EXOC6B: variants seen among roughly 807,000 people sequenced by gnomAD.
EXOC6B encodes the protein SEC15 homolog B.
In EXOC6B, 54 loss-of-function variants were observed where a neutral mutation model predicts 113.5. The ratio of observed to expected loss-of-function variants is 0.48; its 90% CI spans 0.38 to 0.60. The LOEUF (loss-of-function observed/expected upper bound fraction) is 0.60. Among genes scored for constraint, EXOC6B ranks in the 20% least tolerant of loss-of-function variants. The probability of loss-of-function intolerance (pLI) is 0.00; values close to 1 mark genes in which losing one functional copy is unlikely to be tolerated. For missense variants in EXOC6B, 797 were observed against 977.5 expected (o/e 0.82, Z 2.46); for synonymous variants, 357 against 339.0 (o/e 1.05, Z -0.58).
In EXOC6B at chr2:72,262,352, G is replaced by T. The variant is rs566760406; in HGVS notation, c.2196+72595C>A. ...GTGGCTTCTGGTCTTTGTTTAAGAGGCCCAATACTATAGCCCAGACAGGTT... is the reference window on the plus strand; with the variant it reads ...GTGGCTTCTGGTCTTTGTTTAAGAGTCCCAATACTATAGCCCAGACAGGTT... On this transcript the variant is annotated intron_variant, in intron 20 of 21. Coordinates refer to ENST00000272427, the MANE Select transcript of EXOC6B (RefSeq NM_015189.3). Among the ~76,000 whole-genome samples, 4 of 151,976 alleles carry T rather than the reference G, an allele frequency of 2.6e-5. No individual in the cohort carries two copies. In the South Asian group the frequency reaches 8.3e-4, roughly 32 times the overall value.
intron 5 of EXOC6B, among the ~76,000 whole-genome samples, chr2:72,725,319 AT>A (rs1418494511): frequency 6.6e-6 from 1 of 152,094 alleles, no homozygotes; most frequent in Admixed American, 6.6e-5. Flanking sequence ...TCCATCAAGG[AT>A]TTTTTTTAAA....
At chr2:72,430,611 C>T (rs751792067) in intron 18 of EXOC6B, among the ~76,000 whole-genome samples, 17 of 152,208 alleles carry the variant, frequency 1.1e-4, no homozygotes, top group African/African-American at 2.7e-4. Context: ...CACACCAGTA[C>T]ACTCCAGCCT....
intron 18 of EXOC6B, among the ~76,000 whole-genome samples, chr2:72,428,741 C>T (rs1202935719): frequency 2.0e-5 from 3 of 152,176 alleles, no homozygotes; most frequent in Admixed American, 6.5e-5. Context: ...GATCCCATAA[C>T]AACAATATCT....
At chr2:72,188,210 C>T (rs962886157) in intron 20 of EXOC6B, among the ~76,000 whole-genome samples, 14 of 152,218 alleles carry the variant, frequency 9.2e-5, no homozygotes, top group Non-Finnish European at 1.3e-4. Flanking sequence ...GTCTTGCCTC[C>T]CTGCTGCAGC....
intron 20 of EXOC6B, among the ~76,000 whole-genome samples, chr2:72,232,650 G>A (rs1180465216): frequency 6.6e-6 from 1 of 152,178 alleles, no homozygotes; most frequent in Non-Finnish European, 1.5e-5. Flanking sequence ...TTAATAATAG[G>A]AGATGCTCAT....
chr2:72,456,437 A>C (rs1040799660), intron 18 of EXOC6B, among the ~76,000 whole-genome samples: 20 of 152,166 alleles, frequency 1.3e-4, no homozygotes, highest in South Asian at 4.1e-4. Flanking sequence ...CTTACTATGC[A>C]CTATTTCATG....
chr2:72,392,130 C>G (rs989722934), intron 18 of EXOC6B, among the ~76,000 whole-genome samples: 1 of 152,112 alleles, frequency 6.6e-6, no homozygotes, highest in Non-Finnish European at 1.5e-5. Context: ...TGCTCACAGG[C>G]CCGCTGCTCT....
intron 10 of EXOC6B, among the ~76,000 whole-genome samples, chr2:72,514,425 A>T (rs188576481): frequency 6.6e-6 from 1 of 152,012 alleles, no homozygotes; most frequent in Admixed American, 6.6e-5. Context: ...TAAAGTTGAA[A>T]CCAGCAGGGT....
rs1690559468 is a variant in EXOC6B, at chr2:72,365,417, C to A, written c.2122+14312G>T. Among the ~76,000 whole-genome samples, 4 of 152,136 alleles carry A rather than the reference C, an allele frequency of 2.6e-5. No individual in the cohort carries two copies. The South Asian group carries it at 6.2e-4, about 24-fold the overall frequency. On this transcript the variant is annotated intron_variant, in intron 19 of 21. Coordinates refer to ENST00000272427, the MANE Select transcript of EXOC6B (RefSeq NM_015189.3). ...TTTAGATACTGGACAAGAGGTAATG[C>A]AGAATTATGATCCCACAGACATAAT...
intron 1 of EXOC6B, among the ~76,000 whole-genome samples, chr2:72,810,322 G>T (rs1020518558): frequency 2.0e-5 from 3 of 148,296 alleles, no homozygotes; most frequent in Admixed American, 6.9e-5. Flanking sequence ...GTGAGAAAGC[G>T]AGACCTTGTC....
intron 2 of EXOC6B, among the ~76,000 whole-genome samples, chr2:72,738,773 C>G (rs567963856): frequency 6.6e-6 from 1 of 152,238 alleles, no homozygotes; most frequent in East Asian, 1.9e-4. Flanking sequence ...GACAGGAGTT[C>G]AAGACCAGCC....
chr2:72,431,485 T>TTTTC (rs766066651), intron 18 of EXOC6B, among the ~76,000 whole-genome samples: 1 of 133,784 alleles, frequency 7.5e-6, no homozygotes, highest in East Asian at 2.2e-4. Context: ...CTTGATTTCT[T>TTTTC]TATCTATCTA....
At position 72,677,377 on chromosome 2, in the gene EXOC6B, T is replaced by TA. The variant is rs200824968; in HGVS notation, c.669+40725dup. Among the ~76,000 whole-genome samples, 176 of 150,312 alleles carry TA rather than the reference T, an allele frequency of 1.2e-3. 1 individual carries two copies. The highest frequency in any genetic ancestry group is 6.8e-3 in the South Asian group (32 of 4,726). ...GAAACCCTATCTTTATTTTTATATT[T>TA]AAAAAAAAACAAAAAAAGGAAAAAG... is the stretch of plus-strand genomic sequence containing the variant. On this transcript the variant is annotated intron_variant, in intron 6 of 21. Coordinates refer to ENST00000272427, the MANE Select transcript of EXOC6B (RefSeq NM_015189.3).
chr2:72,489,770 GAATA>G (rs1253894394), intron 16 of EXOC6B, among the ~76,000 whole-genome samples: 1 of 152,116 alleles, frequency 6.6e-6, no homozygotes, highest in Non-Finnish European at 1.5e-5. Context: ...AAAAAATAAT[GAATA>G]GTCACATAAA....
At chr2:72,418,905 T>A (rs1440965005) in intron 18 of EXOC6B, among the ~76,000 whole-genome samples, 1 of 152,194 alleles carries the variant, frequency 6.6e-6, no homozygotes, top group Non-Finnish European at 1.5e-5. Context: ...CCTGCATTAC[T>A]GTCTTTTTTT....
At chr2:72,227,352 T>A (rs1681308338) in intron 20 of EXOC6B, among the ~76,000 whole-genome samples, 1 of 151,922 alleles carries the variant, frequency 6.6e-6, no homozygotes, top group African/African-American at 2.4e-5. Context: ...TTAATAGGAA[T>A]AAAAAGGGTC....
chr2:72,659,908 A>G (rs925996099), intron 6 of EXOC6B, among the ~76,000 whole-genome samples: 11 of 152,138 alleles, frequency 7.2e-5, no homozygotes, highest in African/African-American at 2.4e-4. Flanking sequence ...AACCTAAGGT[A>G]TTTGTAATGT....
intron 1 of EXOC6B, among the ~76,000 whole-genome samples, chr2:72,747,712 T>A (rs1024499108): frequency 3.9e-4 from 60 of 152,004 alleles, no homozygotes; most frequent in Admixed American, 3.9e-3. Flanking sequence ...TACAAAGCAA[T>A]CTTGTTCCCT....
intron 1 of EXOC6B, among the ~76,000 whole-genome samples, chr2:72,813,092 T>G (rs1294263138): frequency 1.3e-5 from 2 of 152,198 alleles, no homozygotes; most frequent in Middle Eastern, 3.2e-3. Flanking sequence ...TTAATTGTAC[T>G]TACTTCTTTA....
Sources: gnomAD v4.1 joint callset for allele counts (sites outside exome capture counted in the v4.1 genomes callset) on GRCh38, gnomAD v4.1.1 for gene constraint, MANE v1.5 for transcripts, NCBI Gene and HGNC (gene_info 2026-07-23, HGNC 2026-07-21) for gene names.